PRKAR1A: variants seen among roughly 807,000 people sequenced by gnomAD.
PRKAR1A encodes the protein protein kinase cAMP-dependent type I regulatory subunit alpha.
Under a neutral mutation model 52.0 loss-of-function variants are expected in PRKAR1A, and 3 were observed. The observed-to-expected ratio is 0.06, with a 90% CI of 0.03 to 0.15. PRKAR1A has a LOEUF of 0.15. PRKAR1A is among the 10% of genes least tolerant of loss of function. The pLI, the probability that PRKAR1A is intolerant of heterozygous loss-of-function variation, is 1.00. For synonymous variants in PRKAR1A, 188 were observed against 168.4 expected (o/e 1.12, Z -0.90); for missense variants, 240 against 477.4 (o/e 0.50, Z 4.63).
At chr17:68,446,836 T>C in the PRKAR1A span, among the ~76,000 whole-genome samples, 1 of 152,210 alleles carries the variant, frequency 6.6e-6, no homozygotes, top group African/African-American at 2.4e-5. Flanking sequence ...TGGCACCATC[T>C]GCTCTGCGGC....
At chr17:68,481,446 T>C in the PRKAR1A span, among the ~76,000 whole-genome samples, 1 of 152,096 alleles carries the variant, frequency 6.6e-6, no homozygotes, top group Non-Finnish European at 1.5e-5. Flanking sequence ...TGATGGGAGA[T>C]AGTGACAGAT....
the PRKAR1A span, among the ~76,000 whole-genome samples, chr17:68,435,172 A>G: frequency 2.7e-5 from 4 of 149,496 alleles, no homozygotes; most frequent in Admixed American, 6.8e-5. Flanking sequence ...GCGCCATTGC[A>G]CTCCAGCCTG....
chr17:68,539,817 G>C, intron 11 of PRKAR1A: 1 of 1,501,832 alleles, frequency 6.7e-7, no homozygotes, highest in Admixed American at 1.7e-5. Flanking sequence ...TGTTTCCCCC[G>C]AGCAGCTGGC....
rs1568703569 is a variant in PRKAR1A, at chr17:68,530,472, T to G, written c.*23T>G. On this transcript the variant is annotated 3_prime_UTR_variant, in exon 11 of 11. Coordinates refer to ENST00000589228, the MANE Select transcript of PRKAR1A (RefSeq NM_002734.5). ...TGAAATCTGCCTCCTGTGCCTCCCT[T>G]TTCTCCTCTCCCCAATCCATGCTTC... 1.2e-6 allele frequency: 2 copies of G among 1,613,996 alleles called. No individual in the cohort carries two copies. Among genetic ancestry groups the G allele is most frequent in the Admixed American group, 1.7e-5 (1 of 60,004 alleles).
At chr17:68,501,024 GTTTA>G in the PRKAR1A span, among the ~76,000 whole-genome samples, 3 of 152,334 alleles carry the variant, frequency 2.0e-5, no homozygotes, top group Admixed American at 2.0e-4. Context: ...ACAGCTTCCT[GTTTA>G]TTTATTCTCT....
the PRKAR1A span, among the ~76,000 whole-genome samples, chr17:68,472,688 G>A: frequency 6.6e-6 from 1 of 152,126 alleles, no homozygotes; most frequent in Non-Finnish European, 1.5e-5. Flanking sequence ...GCTCATGCCT[G>A]TAATCCCAGC....
chr17:68,481,433 G>T, the PRKAR1A span, among the ~76,000 whole-genome samples: 2 of 152,150 alleles, frequency 1.3e-5, no homozygotes, highest in Non-Finnish European at 2.9e-5. Context: ...TCCCATCTGG[G>T]GATGATGGGA....
At chr17:68,464,029 A>C in the PRKAR1A span, among the ~76,000 whole-genome samples, 3 of 152,242 alleles carry the variant, frequency 2.0e-5, no homozygotes, top group Admixed American at 2.0e-4. Flanking sequence ...CCACTACTTC[A>C]TGTGGGAACC....
intron 2 of PRKAR1A, among the ~76,000 whole-genome samples, chr17:68,520,428 A>G (rs865831268): frequency 6.6e-6 from 1 of 152,214 alleles, no homozygotes; most frequent in Admixed American, 6.5e-5. Context: ...ATAATTAACC[A>G]CTGAGTAGAC....
intron 1 of PRKAR1A, chr17:68,514,845 A>T (rs1250277326): frequency 6.5e-6 from 1 of 153,094 alleles, no homozygotes; most frequent in African/African-American, 2.4e-5. Flanking sequence ...GTTTTTAAAA[A>T]TTTTGATTAT....
At chr17:68,542,681 G>A (rs1422458355) in intron 11 of PRKAR1A, 1 of 1,594,054 alleles carries the variant, frequency 6.3e-7, no homozygotes, top group Non-Finnish European at 8.6e-7. Context: ...TATCACTCGG[G>A]CCAGTACTCT....
At chr17:68,492,444 C>T in the PRKAR1A span, among the ~76,000 whole-genome samples, 1 of 152,078 alleles carries the variant, frequency 6.6e-6, no homozygotes, top group Admixed American at 6.6e-5. Context: ...GAAAATCAGC[C>T]ATGGGAGCAG....
At chr17:68,455,460 C>T in the PRKAR1A span, among the ~76,000 whole-genome samples, 2 of 151,890 alleles carry the variant, frequency 1.3e-5, no homozygotes, top group Non-Finnish European at 2.9e-5. Context: ...TTTTCACCTA[C>T]CTTCTTTGGA....
chr17:68,443,623 A>G, the PRKAR1A span, among the ~76,000 whole-genome samples: 1 of 152,230 alleles, frequency 6.6e-6, no homozygotes, highest in African/African-American at 2.4e-5. Context: ...AAGGGAACCA[A>G]GGTTCAAAAA....
At chr17:68,546,315 G>A (rs2086563923) in intron 11 of PRKAR1A, among the ~76,000 whole-genome samples, 1 of 151,644 alleles carries the variant, frequency 6.6e-6, no homozygotes, top group South Asian at 2.1e-4. Flanking sequence ...CTTCTCCACT[G>A]AAGTCTTGAA....
At chr17:68,540,546 C>A (rs1314957220) in intron 11 of PRKAR1A, 1 of 512,608 alleles carries the variant, frequency 2.0e-6, no homozygotes, top group Non-Finnish European at 3.8e-6. Flanking sequence ...TCCCTTCCTA[C>A]CTGGTTTCCC....
chr17:68,551,057 C>T, intron 11 of PRKAR1A: 1 of 1,234,058 alleles, frequency 8.1e-7, no homozygotes, highest in Non-Finnish European at 1.0e-6. Context: ...AACGTGGCCC[C>T]TCTTGGGGCG....
At chr17:68,523,880 ACACTT>A (rs1157630550) in intron 4 of PRKAR1A, 64 bp downstream of exon 4, 1 of 1,588,944 alleles carries the variant, frequency 6.3e-7, no homozygotes, top group Non-Finnish European at 8.6e-7. Flanking sequence ...ATTGTTTTCA[ACACTT>A]GTTGCAAGTT....
the PRKAR1A span, chr17:68,433,711 G>T: frequency 2.4e-6 from 1 of 424,694 alleles, no homozygotes. Context: ...TAAACACTGT[G>T]GTGCTCATAT....
Sources: gnomAD v4.1 joint callset for allele counts (sites outside exome capture counted in the v4.1 genomes callset) on GRCh38, gnomAD v4.1.1 for gene constraint, MANE v1.5 for transcripts, NCBI Gene and HGNC (gene_info 2026-07-23, HGNC 2026-07-21) for gene names.